Variants in COQ5 observed in about 807,000 individuals in gnomAD.
The protein encoded by COQ5 is coenzyme Q5, methyltransferase.
COQ5 carries 27 observed loss-of-function variants against 40.5 expected under a neutral mutation model. That is an observed-to-expected ratio of 0.67 (90% CI 0.49 to 0.92). The LOEUF (loss-of-function observed/expected upper bound fraction) is 0.92. Ranked by LOEUF, COQ5 falls within the 40% of genes least tolerant of loss-of-function variation. The pLI is 0.00. For synonymous variants in COQ5, 141 were observed against 150.0 expected (o/e 0.94, Z 0.44); for missense variants, 409 against 406.4 (o/e 1.01, Z -0.06).
intron 3 of COQ5, 72 bp from the exon 4 acceptor site, chr12:120,510,195 T>C: frequency 8.3e-7 from 1 of 1,200,656 alleles, no homozygotes; most frequent in Non-Finnish European, 1.2e-6. Context: ...ATTCATTTCA[T>C]GTAGAGCATT....
At chr12:120,516,408 C>T (rs768330025) in intron 3 of COQ5, among the ~76,000 whole-genome samples, 159 bp downstream of exon 3, 2 of 152,190 alleles carry the variant, frequency 1.3e-5, no homozygotes, top group Non-Finnish European at 2.9e-5. Context: ...ATGCATATAA[C>T]AGCACACAAA....
Position 120,528,958 on chromosome 12 carries a change from C to T in COQ5, c.184G>A (p.Glu62Lys). ...CTTTCACCTTTGCCCCCCTTCTCCT[C>T]TTCCGACACAGTCTCAAACCCAAAG... ...THFGFETVSE[E>K]EKGGKVYQVF... The change falls in exon 1 of 7, where the codon GAG becomes AAG. Residue 62 changes from glutamate (E) to lysine (K), a missense_variant. Transcript: ENST00000288532. 2 of 1,614,192 alleles carry T rather than the reference C, an allele frequency of 1.2e-6. No individual in the cohort carries two copies. Among genetic ancestry groups the T allele is most frequent in the South Asian group, 1.1e-5 (1 of 91,080 alleles).
chr12:120,522,072 G>A (rs1869688063), intron 2 of COQ5, 142 bp downstream of exon 2: 11 of 760,758 alleles, frequency 1.4e-5, no homozygotes, highest in South Asian at 3.5e-5. Flanking sequence ...AGATAAGTGC[G>A]TGCCTTTCTC....
Position 120,522,849 on chromosome 12 carries a change from C to A in COQ5, c.203-486G>T. 2 of 699,850 alleles carry A rather than the reference C, an allele frequency of 2.9e-6. 1 individual carries two copies. The highest frequency in any genetic ancestry group is 3.2e-5 in the South Asian group (2 of 62,688). The allele number at this position is 699,850 out of a possible 1,614,324, so 43.4% of individuals were successfully genotyped here. ...GTAGGCAAGTGGATCGAGCTTGCGG[C>A]TGACACCCTTTGGGATCTCGGGCTT... On this transcript the variant is annotated intron_variant, in intron 1 of 6. Coordinates refer to ENST00000288532, the MANE Select transcript of COQ5 (RefSeq NM_032314.4).
intron 2 of COQ5, among the ~76,000 whole-genome samples, chr12:120,520,984 G>T (rs529257006): frequency 6.6e-6 from 1 of 151,384 alleles, no homozygotes; most frequent in South Asian, 2.1e-4. Flanking sequence ...GGGGTTAAAG[G>T]TTAAGCAGAA....
At chr12:120,517,497 C>A (rs1214707749) in intron 2 of COQ5, among the ~76,000 whole-genome samples, 2 of 146,852 alleles carry the variant, frequency 1.4e-5, no homozygotes, top group East Asian at 2.0e-4. Context: ...GATGAAACCC[C>A]GTCTCTACTA....
intron 4 of COQ5, among the ~76,000 whole-genome samples, chr12:120,505,910 C>T (rs1006669735): frequency 3.3e-5 from 5 of 151,742 alleles, no homozygotes; most frequent in African/African-American, 1.2e-4. Context: ...GGCTAGAGTG[C>T]AATGGCATGA....
intron 2 of COQ5, 77 bp from the exon 3 acceptor site, chr12:120,516,865 C>A: frequency 1.5e-6 from 2 of 1,301,032 alleles, no homozygotes. Flanking sequence ...TCCTAAAACC[C>A]AAAGGGGTAA....
At chr12:120,510,622 C>G (rs1023137078) in intron 3 of COQ5, among the ~76,000 whole-genome samples, 1 of 152,122 alleles carries the variant, frequency 6.6e-6, no homozygotes, top group Non-Finnish European at 1.5e-5. Context: ...CCTGTGTATT[C>G]TTGAATAAAC....
In COQ5 at chr12:120,529,081, T is replaced by G. The variant is rs776407019; in HGVS notation, c.61A>C (p.Met21Leu). The change falls in exon 1 of 7, where the codon ATG becomes CTG. Residue 21 changes from methionine to leucine, a missense_variant. Transcript: ENST00000288532. Reference protein sequence around the residue: ...SYCGRGWSRAMRGCQLLGLRS... With the variant: ...SYCGRGWSRALRGCQLLGLRS... The stretch of plus-strand genomic sequence containing the variant: ...AGCCCGAGGAGCTGGCAGCCCCGCA[T>G]CGCCCGCGACCACCCACGGCCGCAA... 1 of 1,614,030 alleles carries G rather than the reference T, an allele frequency of 6.2e-7. No homozygotes were observed. The highest frequency in any genetic ancestry group is 8.5e-7 in the Non-Finnish European group (1 of 1,180,018).
At position 120,522,200 on chromosome 12, in the gene COQ5, A is replaced by C. The variant is rs1236570085; in HGVS notation, c.352+14T>G. The C allele has an allele frequency of 6.8e-6, 11 of 1,614,008 alleles. No homozygotes were observed. Among genetic ancestry groups the C allele is most frequent in the Non-Finnish European group, 9.3e-6 (11 of 1,179,994 alleles). ...ATGCTCAATGGTAGTGAAGGATACC[A>C]AACTCGACATTACCTGTGCCTCCAG... is the stretch of plus-strand genomic sequence containing the variant. On this transcript the variant is annotated intron_variant, in intron 2 of 6. Coordinates refer to ENST00000288532, the MANE Select transcript of COQ5 (RefSeq NM_032314.4).
chr12:120,528,930 C>A lies in COQ5; in HGVS notation c.202+10G>T, dbSNP rs1312464044. ...CAGATCCCTCCCATCCGCCCTCTCGCCCCTTTCACCTTTGCCCCCCTTCTC... is the reference window on the plus strand; with the variant it reads ...CAGATCCCTCCCATCCGCCCTCTCGACCCTTTCACCTTTGCCCCCCTTCTC... On this transcript the variant is annotated intron_variant, in intron 1 of 6. Coordinates refer to ENST00000288532, the MANE Select transcript of COQ5 (RefSeq NM_032314.4). 2.0e-5 allele frequency: 33 copies of A among 1,613,624 alleles called. No homozygotes were observed. Among genetic ancestry groups the A allele is most frequent in the Non-Finnish European group, 2.7e-5 (32 of 1,179,612 alleles).
chr12:120,503,828 G>C lies in COQ5; in HGVS notation c.940C>G (p.Leu314Val). The C allele has an allele frequency of 6.2e-7, 1 of 1,614,180 alleles. No homozygotes were observed. Among genetic ancestry groups the C allele is most frequent in the South Asian group, 1.1e-5 (1 of 91,084 alleles). ...AGFHKVTYESLTSGIVAIHSG... is the reference protein window; with the variant it reads ...AGFHKVTYESVTSGIVAIHSG... Reference sequence around the variant, plus strand: ...TGAATGGCCACAATGCCTGATGTTAGACTTTCGTAAGTCACCTTGTGAAAG... The same window carrying C: ...TGAATGGCCACAATGCCTGATGTTACACTTTCGTAAGTCACCTTGTGAAAG... The change falls in exon 7 of 7, where the codon CTA (leucine) becomes GTA (valine). Residue 314 changes from leucine (L) to valine (V), a missense_variant. Transcript: ENST00000288532.
chr12:120,523,169 T>C, intron 1 of COQ5: 2 of 249,124 alleles, frequency 8.0e-6, no homozygotes, highest in Non-Finnish European at 1.5e-5. Flanking sequence ...AAACCCCGTC[T>C]CTACTAAAAA....
At chr12:120,521,066 T>G (rs1020994236) in intron 2 of COQ5, among the ~76,000 whole-genome samples, 48 of 108,604 alleles carry the variant, frequency 4.4e-4, no homozygotes, top group African/African-American at 2.0e-3. Flanking sequence ...AATCCTGCGT[T>G]TTTTTTTTTT....
At chr12:120,512,056 A>G (rs1869160606) in intron 3 of COQ5, among the ~76,000 whole-genome samples, 1 of 151,980 alleles carries the variant, frequency 6.6e-6, no homozygotes, top group South Asian at 2.1e-4. Context: ...CTAAAAATAC[A>G]AAAATTAGCC....
intron 4 of COQ5, among the ~76,000 whole-genome samples, chr12:120,506,429 C>T (rs146644369): frequency 0.046 from 6,921 of 150,874 alleles, 262 homozygotes; most frequent in South Asian, 0.1. Context: ...TGCAGTGGCA[C>T]GATCTCAGCT....
At chr12:120,517,879 C>A (rs537079007) in intron 2 of COQ5, among the ~76,000 whole-genome samples, 5 of 151,448 alleles carry the variant, frequency 3.3e-5, no homozygotes, top group African/African-American at 1.2e-4. Context: ...GCGATCTGAG[C>A]TCACTGCAAC....
chr12:120,524,408 T>C (rs1389717450), intron 1 of COQ5, among the ~76,000 whole-genome samples: 4 of 151,608 alleles, frequency 2.6e-5, no homozygotes, highest in African/African-American at 4.8e-5. Flanking sequence ...CTACAGGCAC[T>C]CGCCACCACG....
Sources: allele counts gnomAD v4.1 joint callset (sites outside exome capture counted in the v4.1 genomes callset), GRCh38; gene constraint gnomAD v4.1.1; transcripts MANE v1.5; gene names NCBI Gene and HGNC (gene_info 2026-07-23, HGNC 2026-07-21).